FAM240C: variants seen among roughly 807,000 people sequenced by gnomAD.
FAM240C encodes protein FAM240C.
In FAM240C, 14 loss-of-function variants were observed where a neutral mutation model predicts 10.0. The ratio of observed to expected loss-of-function variants is 1.40; its 90% CI spans 0.92 to 2.19. The LOEUF is 2.19. Ranked by LOEUF, FAM240C falls within the 30% of genes most tolerant of loss-of-function variation. The pLI is 0.00. For missense variants in FAM240C, 154 were observed against 122.3 expected (o/e 1.26, Z -1.22); for synonymous variants, 49 against 44.3 (o/e 1.11, Z -0.42).
rs747311544 is a variant in FAM240C at position 241,894,173 on chromosome 2, C to T, written c.*40G>A. On this transcript the variant is annotated 3_prime_UTR_variant, in exon 3 of 3. Coordinates refer to ENST00000404031, the MANE Select transcript of FAM240C (RefSeq NM_001382368.1). Reference sequence around the variant, plus strand: ...CACGCGTGGTGTTCCTTCTCCATGACCCTCCGGAAGCTCATGCAGAGTCTG... The same window carrying T: ...CACGCGTGGTGTTCCTTCTCCATGATCCTCCGGAAGCTCATGCAGAGTCTG... The T allele has an allele frequency of 3.1e-5, 47 of 1,530,620 alleles. No homozygotes were observed. Among genetic ancestry groups the T allele is most frequent in the Non-Finnish European group, 4.1e-5 (46 of 1,131,780 alleles). 94.8% of individuals were successfully genotyped at this position (1,530,620 alleles called of 1,614,324 possible).
chr2:241,898,430 T>C (rs1701903416), intron 1 of FAM240C, among the ~76,000 whole-genome samples: 1 of 152,182 alleles, frequency 6.6e-6, no homozygotes, highest in Non-Finnish European at 1.5e-5. Flanking sequence ...TGGGTGCCTG[T>C]AATCCTAGCT....
chr2:241,901,222 G>C (rs1021288168), upstream of FAM240C, among the ~76,000 whole-genome samples: 2 of 152,192 alleles, frequency 1.3e-5, no homozygotes, highest in African/African-American at 4.8e-5. This position sits in a 1 kb window ranked among gnomAD's most constrained non-coding sequence, Gnocchi z 4.9. Flanking sequence ...CCATCAGGTA[G>C]ATGCACAAAG....
upstream of FAM240C, among the ~76,000 whole-genome samples, chr2:241,901,025 G>A (rs1282637452): frequency 6.6e-6 from 1 of 152,120 alleles, no homozygotes; most frequent in Non-Finnish European, 1.5e-5. The surrounding 1 kb of genome is among the most constrained non-coding windows in gnomAD (Gnocchi z 4.9). Context: ...GTCCAGAGAC[G>A]GTGAGATGAG....
At chr2:241,899,597 T>G (rs893809113) in intron 1 of FAM240C, among the ~76,000 whole-genome samples, 7 of 152,192 alleles carry the variant, frequency 4.6e-5, no homozygotes, top group African/African-American at 1.7e-4. Flanking sequence ...GAGTAACAGC[T>G]GGAAAACATC....
upstream of FAM240C, chr2:241,902,349 G>A (rs185883283): frequency 0.051 from 4,248 of 83,370 alleles, 66 homozygotes; most frequent in Middle Eastern, 0.083. This position sits in a 1 kb window ranked among gnomAD's most constrained non-coding sequence, Gnocchi z 7.1. Flanking sequence ...CCTCCCCTCC[G>A]CCGCCGCCTC....
At position 241,894,254 on chromosome 2, in the gene FAM240C, C is replaced by G. The variant is rs1258259777; in HGVS notation, c.247G>C (p.Ala83Pro). 3 of 1,550,040 alleles carry G rather than the reference C, an allele frequency of 1.9e-6. No homozygotes were observed. The highest frequency in any genetic ancestry group is 2.6e-6 in the Non-Finnish European group (3 of 1,146,824). Residue 83 changes from alanine to proline, a missense_variant, in exon 3 of 3, where the codon GCC becomes CCC. Physicochemically the swap from Ala to Pro is conservative, Grantham distance 27. Coordinates refer to ENST00000404031, the MANE Select transcript of FAM240C (RefSeq NM_001382368.1). ...TCCTTGGTGTGGAGGGACTCAGTGG[C>G]CTCCGGGACCCTGTCTGGGCATCTC... is the stretch of plus-strand genomic sequence containing the variant. ...PGRCPDRVPE[A>P]TESLHTKDKK...
rs66467284 is a variant in FAM240C, at chr2:241,898,544, T to TCAAACAAA, written c.13-1218_13-1211dup. Among the ~76,000 whole-genome samples, 10 of 151,458 alleles carry TCAAACAAA rather than the reference T, an allele frequency of 6.6e-5. 1 individual carries two copies. In the South Asian group the frequency reaches 1.5e-3, roughly 22 times the overall value. ...TCCAGCCTGGGTGACAGACTCCGTCTCAAACAAACAAACAAACAAACAAAC... is the reference window on the plus strand; with the variant it reads ...TCCAGCCTGGGTGACAGACTCCGTCTCAAACAAACAAACAAACAAACAAACAAACAAAC... On this transcript the variant is annotated intron_variant, in intron 1 of 2. Coordinates refer to ENST00000404031, the MANE Select transcript of FAM240C (RefSeq NM_001382368.1).
chr2:241,900,624 AG>A (rs1284897791), upstream of FAM240C, among the ~76,000 whole-genome samples: 6 of 152,106 alleles, frequency 3.9e-5, no homozygotes. This position sits in a 1 kb window ranked among gnomAD's most constrained non-coding sequence, Gnocchi z 4.5. Flanking sequence ...CTCTGCCCTC[AG>A]CCCCCATCGG....
chr2:241,897,087 A>T, intron 2 of FAM240C, 99 bp downstream of exon 2: 1 of 1,348,142 alleles, frequency 7.4e-7, no homozygotes, highest in South Asian at 1.4e-5. Flanking sequence ...GCTGAGGGCC[A>T]GGGCTGTGTC....
chr2:241,901,469 C>T (rs935073299), upstream of FAM240C, among the ~76,000 whole-genome samples: 1 of 151,700 alleles, frequency 6.6e-6, no homozygotes, highest in Non-Finnish European at 1.5e-5. This position sits in a 1 kb window ranked among gnomAD's most constrained non-coding sequence, Gnocchi z 4.9. Flanking sequence ...TTATATTATC[C>T]TTCACAGTTG....
intron 2 of FAM240C, among the ~76,000 whole-genome samples, chr2:241,895,538 G>A (rs982290376): frequency 1.3e-5 from 2 of 152,236 alleles, no homozygotes; most frequent in Non-Finnish European, 2.9e-5. Flanking sequence ...ACCAGCACAC[G>A]GGACCCTCTC....
intron 2 of FAM240C, among the ~76,000 whole-genome samples, chr2:241,896,804 T>G (rs1701833115): frequency 1.4e-4 from 1 of 7,298 alleles, no homozygotes. Context: ...GGTGTTGGGG[T>G]GTGGGTGTGT....
intron 2 of FAM240C, 143 bp downstream of exon 2, chr2:241,897,043 T>C (rs968699696): frequency 8.0e-6 from 7 of 869,806 alleles, no homozygotes; most frequent in Non-Finnish European, 1.2e-5. Context: ...GTTGACTCCT[T>C]TCACAGGCCT....
upstream of FAM240C, among the ~76,000 whole-genome samples, chr2:241,902,287 T>G (rs1343501997): frequency 7.2e-5 from 10 of 139,286 alleles, no homozygotes; most frequent in Admixed American, 3.0e-4. The surrounding 1 kb of genome is among the most constrained non-coding windows in gnomAD (Gnocchi z 7.1). Flanking sequence ...GCTACCGGGC[T>G]CAGCCGCCTT....
chr2:241,900,417 CT>C lies in FAM240C; in HGVS notation c.-49del, dbSNP rs1358731522. On this transcript the variant is annotated 5_prime_UTR_variant, in exon 1 of 3. Transcript: ENST00000404031. The surrounding 1 kb of genome is among the most constrained non-coding windows in gnomAD (Gnocchi z 4.5). ...CCTGTCTCTGTTGAGGGTCCTCAGC[CT>C]GTCCTCTCCGGGGTGCACGCCTGTA... 2 of 716,654 alleles carry C rather than the reference CT, an allele frequency of 2.8e-6. No homozygotes were observed. The highest frequency in any genetic ancestry group is 3.5e-5 in the African/African-American group (2 of 57,226). The allele number at this position is 716,654 out of a possible 1,614,324, so 44.4% of individuals were successfully genotyped here.
chr2:241,897,127 T>A, intron 2 of FAM240C, 59 bp downstream of exon 2: 1 of 1,529,438 alleles, frequency 6.5e-7, no homozygotes, highest in Non-Finnish European at 8.8e-7. Flanking sequence ...GCTGTGCCCC[T>A]GGGTGGCGAG....
intron 1 of FAM240C, chr2:241,899,082 G>A (rs1319317329): frequency 1.6e-6 from 2 of 1,282,256 alleles, no homozygotes; most frequent in East Asian, 5.6e-5. Context: ...AGGCAGCTGA[G>A]ACCCGCGGGC....
chr2:241,900,516 G>A (rs1022478922), upstream of FAM240C: 13 of 640,428 alleles, frequency 2.0e-5, no homozygotes, highest in Admixed American at 1.4e-4. This position sits in a 1 kb window ranked among gnomAD's most constrained non-coding sequence, Gnocchi z 4.5. Context: ...CCAGAAAGAC[G>A]CGCTGCCCTC....
intron 2 of FAM240C, among the ~76,000 whole-genome samples, chr2:241,896,913 T>G (rs1389543105): frequency 2.0e-5 from 3 of 151,406 alleles, no homozygotes; most frequent in African/African-American, 7.3e-5. Context: ...GTTGCCTGGA[T>G]AGTGATGTTT....
Sources: allele counts gnomAD v4.1 joint callset (sites outside exome capture counted in the v4.1 genomes callset), GRCh38; gene constraint gnomAD v4.1.1; non-coding constraint Gnocchi (gnomAD v3.1); transcripts MANE v1.5; gene names NCBI Gene and HGNC (gene_info 2026-07-23, HGNC 2026-07-21).